Variants in PIEZO2 observed in about 807,000 individuals in gnomAD.
The protein encoded by PIEZO2 is piezo-type mechanosensitive ion channel component 2.
A neutral mutation model predicts 337.3 loss-of-function variants in PIEZO2; 172 were observed. That is an observed-to-expected ratio of 0.51 (90% CI 0.45 to 0.58). The LOEUF (loss-of-function observed/expected upper bound fraction) is 0.58, where lower values mean the gene tolerates loss of function less well. Ranked by LOEUF, PIEZO2 falls within the 20% of genes least tolerant of loss-of-function variation. The pLI, the probability that PIEZO2 is intolerant of heterozygous loss-of-function variation, is 0.00. For missense variants in PIEZO2, 3,028 were observed against 3,391.3 expected, an observed-to-expected ratio of 0.89 and a Z score of 2.66; for synonymous variants, 1,251 against 1,228.5, an observed-to-expected ratio of 1.02 and a Z score of -0.38.
rs753875129 is a variant in PIEZO2, at chr18:10,969,162, G to A, written c.286+10373C>T. On this transcript the variant is annotated intron_variant, in intron 3 of 55. Coordinates refer to ENST00000674853, the MANE Select transcript of PIEZO2 (RefSeq NM_001378183.1). The surrounding 1 kb of genome is among the most constrained non-coding windows in gnomAD (Gnocchi z 4.5). ...TATTCCATAAATTTGGAAACATACA[G>A]TTATAGCTTTACATTGTTCGTCTAT... 4.6e-5 allele frequency among the ~76,000 whole-genome samples: 7 copies of A among 152,268 alleles called. No homozygotes were observed. The highest frequency in any genetic ancestry group is 1.0e-4 in the Non-Finnish European group (7 of 68,012).
Position 10,894,661 on chromosome 18 carries a change from G to A in PIEZO2, c.329+16525C>T, listed in dbSNP as rs536217854. The A allele has an allele frequency of 6.6e-6, 1 of 152,226 alleles. No homozygotes were observed. Among genetic ancestry groups the A allele is most frequent in the Non-Finnish European group, 1.5e-5 (1 of 68,080 alleles). The allele number at this position is 152,226 out of a possible 1,614,324, so 9.4% of individuals were successfully genotyped here. On this transcript the variant is annotated intron_variant, in intron 4 of 55. Coordinates refer to ENST00000674853, the MANE Select transcript of PIEZO2 (RefSeq NM_001378183.1). This position sits in a 1 kb window ranked among gnomAD's most constrained non-coding sequence, Gnocchi z 4.1. ...CAGGAAAGAAGGGGCGCAAGACTCCGGACGTATGCCAACGCATAAAACCCC... is the reference window on the plus strand; with the variant it reads ...CAGGAAAGAAGGGGCGCAAGACTCCAGACGTATGCCAACGCATAAAACCCC...
At chr18:10,910,810 T>C (rs2030413443) in intron 4 of PIEZO2, among the ~76,000 whole-genome samples, 1 of 152,028 alleles carries the variant, frequency 6.6e-6, no homozygotes, top group South Asian at 2.1e-4. Context: ...TCAATAGAAA[T>C]ATAAACTTTT....
intron 30 of PIEZO2, among the ~76,000 whole-genome samples, chr18:10,744,684 C>T (rs1308965684): frequency 6.6e-6 from 1 of 152,196 alleles, no homozygotes; most frequent in Non-Finnish European, 1.5e-5. Flanking sequence ...TATGTGAAGG[C>T]CAGTTCCTGC....
Position 11,028,189 on chromosome 18 carries a change from A to T in PIEZO2, c.160+37938T>A, listed in dbSNP as rs570952983. 1.3e-5 allele frequency among the ~76,000 whole-genome samples: 2 copies of T among 152,354 alleles called. No individual in the cohort carries two copies. Among genetic ancestry groups the T allele is most frequent in the South Asian group, 4.1e-4 (2 of 4,828 alleles). On this transcript the variant is annotated intron_variant, in intron 2 of 55. Coordinates refer to ENST00000674853, the MANE Select transcript of PIEZO2 (RefSeq NM_001378183.1). This position sits in a 1 kb window ranked among gnomAD's most constrained non-coding sequence, Gnocchi z 4.8. ...CTTCTTCCAGTACCAAATGCAAGTA[A>T]GGAAGCTAGGCTTTTCTGTACATCG...
intron 4 of PIEZO2, among the ~76,000 whole-genome samples, chr18:10,910,929 T>G (rs1445359964): frequency 1.3e-5 from 2 of 151,740 alleles, no homozygotes; most frequent in Non-Finnish European, 2.9e-5. Flanking sequence ...GTGTACTGTT[T>G]TACAGTTCAA....
chr18:10,885,624 G>A (rs2042557298), intron 4 of PIEZO2, among the ~76,000 whole-genome samples: 1 of 152,134 alleles, frequency 6.6e-6, no homozygotes, highest in African/African-American at 2.4e-5. Flanking sequence ...GGTTTGAAAG[G>A]TACCACGGTC....
chr18:10,745,753 C>T (rs955889), intron 30 of PIEZO2, among the ~76,000 whole-genome samples: 95,803 of 151,726 alleles, frequency 0.63, 32,324 homozygotes, highest in African/African-American at 0.88. Flanking sequence ...GCAGCTGCAA[C>T]TCACCTCCTT....
In PIEZO2 at chr18:10,940,079, G is replaced by A. The variant is rs1346609856; in HGVS notation, c.287-28851C>T. Among the ~76,000 whole-genome samples, 3 of 152,114 alleles carry A rather than the reference G, an allele frequency of 2.0e-5. No homozygotes were observed. The highest frequency in any genetic ancestry group is 7.2e-5 in the African/African-American group (3 of 41,406). Reference sequence around the variant, plus strand: ...GGGGACAGTGAGTTTCCCCTCATCAGAAACAAACTCCAGGGAGTGGTTCGC... The same window carrying A: ...GGGGACAGTGAGTTTCCCCTCATCAAAAACAAACTCCAGGGAGTGGTTCGC... On this transcript the variant is annotated intron_variant, in intron 3 of 55. Coordinates refer to ENST00000674853, the MANE Select transcript of PIEZO2 (RefSeq NM_001378183.1). This position sits in a 1 kb window ranked among gnomAD's most constrained non-coding sequence, Gnocchi z 5.3.
intron 44 of PIEZO2, 48 bp downstream of exon 44, chr18:10,698,877 G>T (rs1322190526): frequency 6.5e-7 from 1 of 1,529,064 alleles, no homozygotes; most frequent in Non-Finnish European, 8.7e-7. Flanking sequence ...GAAAAACAAG[G>T]CCACCTGGGA....
chr18:11,046,552 G>C (rs1598877813), intron 2 of PIEZO2, among the ~76,000 whole-genome samples: 1 of 152,240 alleles, frequency 6.6e-6, no homozygotes, highest in East Asian at 1.9e-4. Context: ...GTGAGAGAGT[G>C]CACGCGTCCA....
intron 27 of PIEZO2, among the ~76,000 whole-genome samples, chr18:10,755,234 C>T (rs1325417179): frequency 1.3e-5 from 2 of 152,094 alleles, no homozygotes; most frequent in African/African-American, 4.8e-5. Flanking sequence ...TGGAGAGAGA[C>T]TCCATGTGTG....
Position 10,716,931 on chromosome 18 carries a change from G to A in PIEZO2, c.5090-1115C>T, listed in dbSNP as rs1005828017. 1.3e-5 allele frequency among the ~76,000 whole-genome samples: 2 copies of A among 152,148 alleles called. No individual in the cohort carries two copies. Among genetic ancestry groups the A allele is most frequent in the African/African-American group, 4.8e-5 (2 of 41,430 alleles). On this transcript the variant is annotated intron_variant, in intron 37 of 55. Coordinates refer to ENST00000674853, the MANE Select transcript of PIEZO2 (RefSeq NM_001378183.1). The surrounding 1 kb of genome is among the most constrained non-coding windows in gnomAD (Gnocchi z 4.1). ...GCCTGATTGTAAGGCTGCAGCCACC[G>A]CACTGGAGACGTGAATCACAGGCGC... is the stretch of plus-strand genomic sequence containing the variant.
At chr18:10,869,248 A>G (rs2042081468) in intron 5 of PIEZO2, among the ~76,000 whole-genome samples, 1 of 152,202 alleles carries the variant, frequency 6.6e-6, no homozygotes, top group Non-Finnish European at 1.5e-5. Flanking sequence ...TCAGCATCAC[A>G]CACTAGGCGG....
At chr18:10,684,972 T>C (rs1243248486) in intron 49 of PIEZO2, among the ~76,000 whole-genome samples, 1 of 152,176 alleles carries the variant, frequency 6.6e-6, no homozygotes, top group Non-Finnish European at 1.5e-5. Context: ...AGCTCCTCAC[T>C]GTGCTTCCTG....
intron 24 of PIEZO2, 54 bp downstream of exon 24, chr18:10,760,857 T>A: frequency 7.0e-7 from 1 of 1,428,346 alleles, no homozygotes; most frequent in South Asian, 1.3e-5. Flanking sequence ...CCAGAAGCAG[T>A]TCTTTGAATT....
chr18:10,720,103 T>A (rs201762193), intron 36 of PIEZO2, among the ~76,000 whole-genome samples: 1 of 126,156 alleles, frequency 7.9e-6, no homozygotes, highest in Non-Finnish European at 1.7e-5. Context: ...TTTTAAAGTA[T>A]AAGTATGTTC....
Position 10,894,148 on chromosome 18 carries a change from C to A in PIEZO2, c.329+17038G>T, listed in dbSNP as rs145555252. Among the ~76,000 whole-genome samples, 109 of 152,250 alleles carry A rather than the reference C, an allele frequency of 7.2e-4. No homozygotes were observed. Among genetic ancestry groups the A allele is most frequent in the African/African-American group, 2.6e-3 (108 of 41,560 alleles). On this transcript the variant is annotated intron_variant, in intron 4 of 55. Coordinates refer to ENST00000674853, the MANE Select transcript of PIEZO2 (RefSeq NM_001378183.1). This position sits in a 1 kb window ranked among gnomAD's most constrained non-coding sequence, Gnocchi z 4.1. ...CAGGAGGTGGGTGAATGGGCTCAAG[C>A]ATGTGCATTAAGAGGCAAAATGGGC...
rs760458761 is a variant in PIEZO2, at chr18:11,066,199, G to C, written c.88C>G (p.Leu30Val). Reference sequence around the variant, plus strand: ...AGGTAGATAAGGTAGACAAAGGAGAGCCCATTGTATCGGAATGCACATGCT... The same window carrying C: ...AGGTAGATAAGGTAGACAAAGGAGACCCCATTGTATCGGAATGCACATGCT... ...AVACAFRYNG[L>V]SFVYLIYLLL... The change falls in exon 2 of 56, where the codon CTC becomes GTC. Residue 30 changes from leucine (L) to valine (V), a missense_variant. By Grantham distance (32) the Leu-to-Val change is conservative. Around this residue, in one of 5 missense-constraint regions of PIEZO2, gnomAD observed 542 missense variants for 605.6 expected, o/e 0.89. Transcript: ENST00000674853. The C allele has an allele frequency of 1.4e-5, 22 of 1,536,560 alleles. No individual in the cohort carries two copies. The South Asian group carries it at 2.6e-4, about 18-fold the overall frequency.
At position 10,881,620 on chromosome 18, in the gene PIEZO2, T is replaced by C. The variant is rs147731818; in HGVS notation, c.330-10205A>G. Among the ~76,000 whole-genome samples the C allele has an allele frequency of 1.2e-3, 178 of 152,326 alleles. 1 individual carries two copies. The highest frequency in any genetic ancestry group is 4.1e-3 in the African/African-American group (171 of 41,576). The stretch of plus-strand genomic sequence containing the variant: ...CTACCACAGTGGGAGCATCAGATCA[T>C]GGAAATTGGTATAAATGCTGCAAAT... On this transcript the variant is annotated intron_variant, in intron 4 of 55. Coordinates refer to ENST00000674853, the MANE Select transcript of PIEZO2 (RefSeq NM_001378183.1).
Sources: gnomAD v4.1 joint callset for allele counts (sites outside exome capture counted in the v4.1 genomes callset) on GRCh38, gnomAD v4.1.1 for gene constraint, gnomAD v4.1.1 regional missense constraint, Gnocchi (gnomAD v3.1) non-coding constraint, MANE v1.5 for transcripts, NCBI Gene and HGNC (gene_info 2026-07-23, HGNC 2026-07-21) for gene names.